ROBO1: variants seen among roughly 807,000 people sequenced by gnomAD.
The protein encoded by ROBO1 is roundabout homolog 1.
In ROBO1, 149 loss-of-function variants were observed where a neutral mutation model predicts 195.9. The observed-to-expected ratio is 0.76, with a 90% CI of 0.67 to 0.87. The LOEUF is 0.87. Ranked by LOEUF, ROBO1 falls within the 40% of genes least tolerant of loss-of-function variation. The pLI is 0.00. For synonymous variants in ROBO1, 816 were observed against 733.2 expected (o/e 1.11, Z -1.82); for missense variants, 1,933 against 2,068.3 (o/e 0.93, Z 1.27).
At chr3:79,587,921 A>G (rs1355322862) in intron 2 of ROBO1, among the ~76,000 whole-genome samples, 1 of 151,770 alleles carries the variant, frequency 6.6e-6, no homozygotes, top group African/African-American at 2.4e-5. Flanking sequence ...AGCTAACAGC[A>G]TATTTCTTTT....
At chr3:79,455,837 G>A (rs991251403) in intron 2 of ROBO1, among the ~76,000 whole-genome samples, 2 of 152,078 alleles carry the variant, frequency 1.3e-5, no homozygotes, top group Non-Finnish European at 2.9e-5. Flanking sequence ...CACATACATA[G>A]CTCTAAGAAT....
chr3:78,816,988 AAAAAT>A (rs1006972003), intron 4 of ROBO1, among the ~76,000 whole-genome samples: 1 of 152,096 alleles, frequency 6.6e-6, no homozygotes, highest in African/African-American at 2.4e-5. Flanking sequence ...GTATAATAAA[AAAAAT>A]AAAATAAAAT....
intron 4 of ROBO1, among the ~76,000 whole-genome samples, chr3:78,928,527 G>C (rs1352377980): frequency 6.6e-6 from 1 of 152,044 alleles, no homozygotes; most frequent in Non-Finnish European, 1.5e-5. Flanking sequence ...AGAATTTTAG[G>C]GCTACTTTGC....
At chr3:79,452,962 C>G (rs1317764611) in intron 2 of ROBO1, among the ~76,000 whole-genome samples, 1 of 151,754 alleles carries the variant, frequency 6.6e-6, no homozygotes, top group African/African-American at 2.4e-5. Context: ...ACCAGAGGAA[C>G]AAGAGAGTAA....
chr3:78,677,478 G>C (rs911554290), intron 10 of ROBO1, among the ~76,000 whole-genome samples: 1 of 151,976 alleles, frequency 6.6e-6, no homozygotes, highest in Non-Finnish European at 1.5e-5. Context: ...GATGGAGGAA[G>C]ATCTACCAAG....
chr3:79,606,662 C>G (rs1480486454), intron 1 of ROBO1, among the ~76,000 whole-genome samples: 1 of 151,968 alleles, frequency 6.6e-6, no homozygotes, highest in South Asian at 2.1e-4. Context: ...TTATTTATCT[C>G]CTGCCCACTG....
chr3:79,301,060 A>C (rs2032921488), intron 2 of ROBO1, among the ~76,000 whole-genome samples: 3 of 152,128 alleles, frequency 2.0e-5, no homozygotes, highest in Non-Finnish European at 2.9e-5. Flanking sequence ...CTCTCGGGTC[A>C]CCTTCCACGC....
chr3:79,652,588 T>C (rs908461184), intron 1 of ROBO1, among the ~76,000 whole-genome samples: 2 of 152,066 alleles, frequency 1.3e-5, no homozygotes, highest in Non-Finnish European at 2.9e-5. Flanking sequence ...CAATAATCCA[T>C]AGTAAGTCAT....
At chr3:79,711,295 A>G (rs1702266745) in intron 1 of ROBO1, among the ~76,000 whole-genome samples, 1 of 152,112 alleles carries the variant, frequency 6.6e-6, no homozygotes, top group Non-Finnish European at 1.5e-5. Flanking sequence ...CTGTTCATCA[A>G]CTTGTTACGT....
intron 2 of ROBO1, among the ~76,000 whole-genome samples, chr3:79,422,842 A>G (rs2038285967): frequency 1.3e-5 from 2 of 152,034 alleles, no homozygotes; most frequent in Non-Finnish European, 1.5e-5. Context: ...GCTCATTTTT[A>G]TTTCTGTGGT....
At chr3:79,481,387 G>T (rs1043630738) in intron 2 of ROBO1, among the ~76,000 whole-genome samples, 1 of 152,034 alleles carries the variant, frequency 6.6e-6, no homozygotes, top group East Asian at 1.9e-4. Context: ...TAAAATCCAG[G>T]TATAAGTGCA....
chr3:79,579,950 T>C (rs570290457), intron 2 of ROBO1, among the ~76,000 whole-genome samples: 5 of 152,242 alleles, frequency 3.3e-5, no homozygotes, highest in East Asian at 1.9e-4. Flanking sequence ...AGTGATGCTA[T>C]GCTTGTATGC....
At chr3:79,014,356 T>G (rs1559592222) in intron 3 of ROBO1, among the ~76,000 whole-genome samples, 1 of 152,038 alleles carries the variant, frequency 6.6e-6, no homozygotes, top group Non-Finnish European at 1.5e-5. Flanking sequence ...ATCTGCAATT[T>G]CAGCTACTCA....
intron 2 of ROBO1, among the ~76,000 whole-genome samples, chr3:79,150,610 C>T (rs2080747849): frequency 6.6e-6 from 1 of 151,790 alleles, no homozygotes; most frequent in Admixed American, 6.6e-5. Flanking sequence ...GACAATTCAG[C>T]ATACAGGCCC....
chr3:79,065,061 T>C (rs2078982458), intron 3 of ROBO1, among the ~76,000 whole-genome samples: 1 of 151,992 alleles, frequency 6.6e-6, no homozygotes, highest in Non-Finnish European at 1.5e-5. Context: ...AAAAACCTTA[T>C]AAACTCCAAA....
At chr3:79,466,206 T>C (rs1937949658) in intron 2 of ROBO1, among the ~76,000 whole-genome samples, 1 of 152,176 alleles carries the variant, frequency 6.6e-6, no homozygotes, top group Non-Finnish European at 1.5e-5. Context: ...TTTGAAAGAA[T>C]ACAGACTATA....
At chr3:79,191,025 A>G (rs893788767) in intron 2 of ROBO1, among the ~76,000 whole-genome samples, 21 of 151,804 alleles carry the variant, frequency 1.4e-4, no homozygotes, top group African/African-American at 5.1e-4. Flanking sequence ...ATGTAAAACT[A>G]TAAAGAAGAC....
chr3:79,364,293 T>C (rs1477336038), intron 2 of ROBO1, among the ~76,000 whole-genome samples: 1 of 150,260 alleles, frequency 6.7e-6, no homozygotes, highest in Non-Finnish European at 1.5e-5. Context: ...TACACACACA[T>C]ATATATAAAA....
intron 2 of ROBO1, among the ~76,000 whole-genome samples, chr3:79,494,954 T>C (rs1435059317): frequency 6.6e-6 from 1 of 152,152 alleles, no homozygotes; most frequent in African/African-American, 2.4e-5. Context: ...ATCCAATATT[T>C]CTACACTTTG....
Sources: allele counts gnomAD v4.1 joint callset (sites outside exome capture counted in the v4.1 genomes callset), GRCh38; gene constraint gnomAD v4.1.1; transcripts MANE v1.5; gene names NCBI Gene and HGNC (gene_info 2026-07-23, HGNC 2026-07-21).